The following CENPE variants were observed in gnomAD, a reference collection of about 807,000 sequenced individuals.
CENPE encodes centromere-associated protein E.
In CENPE, 145 loss-of-function variants were observed where a neutral mutation model predicts 336.1. That is an observed-to-expected ratio of 0.43 (90% confidence interval 0.38 to 0.50). The LOEUF (loss-of-function observed/expected upper bound fraction) is 0.50. Among genes scored for constraint, CENPE ranks in the 20% least tolerant of loss-of-function variants. The pLI is 0.00. For synonymous variants in CENPE, 1,013 were observed against 984.8 expected, an observed-to-expected ratio of 1.03 and a Z score of -0.54; for missense variants, 2,719 against 3,023.3, an observed-to-expected ratio of 0.90 and a Z score of 2.36.
rs760881866 is a variant in CENPE at position 103,159,176 on chromosome 4, T to C, written c.2435A>G (p.Tyr812Cys). 3 of 1,612,774 alleles carry C rather than the reference T, an allele frequency of 1.9e-6. No homozygotes were observed. The highest frequency in any genetic ancestry group is 1.1e-5 in the South Asian group (1 of 90,928). Residue 812 changes from tyrosine to cysteine, a missense_variant, in exon 22 of 49, where the codon TAT becomes TGT. Transcript: ENST00000265148. ...TTGGAATTCTTGATCAGTGCTTTTA[T>C]AATTCGACTGTGTAGTTGCTAGGTC... ...KDDLATTQSN[Y>C]KSTDQEFQNF...
chr4:103,144,045 T>G (rs1039225708), intron 33 of CENPE, among the ~76,000 whole-genome samples: 2 of 152,160 alleles, frequency 1.3e-5, no homozygotes, highest in African/African-American at 4.8e-5. Context: ...CACGCCATTC[T>G]CCTGTCTCAG....
At chr4:103,151,106 T>C (rs1420595035) in intron 26 of CENPE, 113 bp downstream of exon 26, 6 of 894,070 alleles carry the variant, frequency 6.7e-6, no homozygotes, top group South Asian at 4.7e-5. Flanking sequence ...CATTGAAATA[T>C]GTTCATTTGG....
intron 26 of CENPE, among the ~76,000 whole-genome samples, chr4:103,150,460 T>C (rs1753445655): frequency 6.6e-6 from 1 of 151,806 alleles, no homozygotes; most frequent in African/African-American, 2.4e-5. Context: ...CACAGCTAAT[T>C]TAGTCTCAGC....
chr4:103,121,126 T>G (rs1269456061), intron 43 of CENPE, among the ~76,000 whole-genome samples: 1 of 152,186 alleles, frequency 6.6e-6, no homozygotes, highest in Non-Finnish European at 1.5e-5. Flanking sequence ...AGACCCCCAG[T>G]TGACCCTGAA....
intron 42 of CENPE, among the ~76,000 whole-genome samples, chr4:103,126,787 C>A (rs940886964): frequency 6.6e-6 from 1 of 151,886 alleles, no homozygotes; most frequent in Admixed American, 6.6e-5. Context: ...TTAAGAGAAA[C>A]GAAGAATGCC....
At chr4:103,191,465 G>C (rs1757321075) in intron 8 of CENPE, among the ~76,000 whole-genome samples, 1 of 152,136 alleles carries the variant, frequency 6.6e-6, no homozygotes, top group African/African-American at 2.4e-5. Context: ...ATTCTATGCA[G>C]CCATAAAAAA....
intron 24 of CENPE, among the ~76,000 whole-genome samples, chr4:103,156,704 G>A (rs1183697504): frequency 6.6e-6 from 1 of 151,920 alleles, no homozygotes; most frequent in Non-Finnish European, 1.5e-5. Flanking sequence ...CAAAACACAG[G>A]CAACAAGAGT....
chr4:103,110,834 A>C lies in CENPE; in HGVS notation c.7718T>G (p.Leu2573Trp). The change falls in exon 47 of 49, where the codon TTG becomes TGG. Residue 2573 changes from leucine to tryptophan, a missense_variant. Coordinates refer to ENST00000265148, the MANE Select transcript of CENPE (RefSeq NM_001813.3). ...TCATGTAAGCAGATCTTACCTTAAC[A>C]ATTCATTCTTTTGTTTTATTAGCTG... ...NEQLIKQKNE[L>W]LSNNQHLSNE... 6.3e-7 allele frequency: 1 copy of C among 1,595,956 alleles called. No homozygotes were observed. The highest frequency in any genetic ancestry group is 8.5e-7 in the Non-Finnish European group (1 of 1,172,104).
intron 8 of CENPE, among the ~76,000 whole-genome samples, chr4:103,188,018 T>G (rs1035044958): frequency 1.3e-4 from 19 of 151,924 alleles, no homozygotes; most frequent in Non-Finnish European, 2.2e-4. Context: ...AAACAGACTT[T>G]AAACCAACAA....
At chr4:103,156,502 A>G (rs949047688) in intron 24 of CENPE, among the ~76,000 whole-genome samples, 1 of 152,186 alleles carries the variant, frequency 6.6e-6, no homozygotes, top group Admixed American at 6.5e-5. Context: ...TTTTCAAAAA[A>G]TGGTGTTGGG....
At chr4:103,172,846 G>A (rs1399425309) in intron 16 of CENPE, among the ~76,000 whole-genome samples, 2 of 151,650 alleles carry the variant, frequency 1.3e-5, no homozygotes, top group Admixed American at 6.6e-5. Context: ...ACTATAAAAC[G>A]TTAATGAAAG....
intron 42 of CENPE, among the ~76,000 whole-genome samples, chr4:103,132,372 T>TA (rs1472502934): frequency 6.6e-6 from 1 of 152,210 alleles, no homozygotes; most frequent in African/African-American, 2.4e-5. Flanking sequence ...ACTCATGTCT[T>TA]ACGATCTCTA....
At chr4:103,136,457 C>A in intron 39 of CENPE, 98 bp from the exon 40 acceptor site, 1 of 790,030 alleles carries the variant, frequency 1.3e-6, no homozygotes, top group Non-Finnish European at 1.9e-6. Context: ...TATGCTTTAA[C>A]ATTTTCTGTA....
At chr4:103,173,630 T>TTTGCAATATTTGCAGAAATAATTGC (rs1212496499) in intron 16 of CENPE, among the ~76,000 whole-genome samples, 1 of 151,440 alleles carries the variant, frequency 6.6e-6, no homozygotes, top group Non-Finnish European at 1.5e-5. Context: ...TTGCAAAATA[T>TTTGCAATATTTGCAGAAATAATTGC]ACATCTGACA....
At chr4:103,167,974 C>T (rs1560653693) in intron 16 of CENPE, among the ~76,000 whole-genome samples, 1 of 152,290 alleles carries the variant, frequency 6.6e-6, no homozygotes, top group East Asian at 1.9e-4. Flanking sequence ...GTAGTCCTAG[C>T]TTAGTACTGC....
rs1323433725 is a variant in CENPE, at chr4:103,175,964, T to C, written c.1475A>G (p.Asn492Ser). The C allele has an allele frequency of 2.5e-6, 4 of 1,580,286 alleles. No homozygotes were observed. ...CTGTAAAATACATTAAGTTACCTGATTTAGTAGCTTTGTTGCTGGATTCCA... is the reference window on the plus strand; with the variant it reads ...CTGTAAAATACATTAAGTTACCTGACTTAGTAGCTTTGTTGCTGGATTCCA... The part of the protein sequence containing the change: ...IEWNPATKLL[N>S]QENIESELNS... The change falls in exon 15 of 49, where the codon AAT becomes AGT. Residue 492 changes from asparagine (N) to serine (S), a missense_variant. This residue lies in a region of CENPE where 2,437 missense variants were observed against 2,513.3 expected (regional missense o/e 0.97). Transcript: ENST00000265148.
At chr4:103,106,497 C>A (rs1444677197) in intron 48 of CENPE, among the ~76,000 whole-genome samples, 181 bp from the exon 49 acceptor site, 3 of 152,132 alleles carry the variant, frequency 2.0e-5, no homozygotes, top group African/African-American at 4.8e-5. Context: ...GAAGTTTACT[C>A]CCCATTTTGT....
chr4:103,182,894 T>G lies in CENPE; in HGVS notation c.834-3A>C. The G allele has an allele frequency of 6.2e-7, 1 of 1,611,278 alleles. No homozygotes were observed. Among genetic ancestry groups the G allele is most frequent in the Admixed American group, 1.7e-5 (1 of 59,840 alleles). On this transcript the variant is annotated splice_region_variant and splice_polypyrimidine_tract_variant and intron_variant, in intron 10 of 48. Transcript: ENST00000265148. Reference sequence around the variant, plus strand: ...TATCTCGATAATTTATGAAACCACTTAGCAAGGAATAAGTTTACAGGAGAA... The same window carrying G: ...TATCTCGATAATTTATGAAACCACTGAGCAAGGAATAAGTTTACAGGAGAA...
At chr4:103,173,043 T>C (rs886181990) in intron 16 of CENPE, among the ~76,000 whole-genome samples, 2 of 151,920 alleles carry the variant, frequency 1.3e-5, no homozygotes, top group African/African-American at 2.4e-5. Flanking sequence ...AAAGACCCTG[T>C]ATAGCCAAAG....
Sources: gnomAD v4.1 joint callset for allele counts (sites outside exome capture counted in the v4.1 genomes callset) on GRCh38, gnomAD v4.1.1 for gene constraint, gnomAD v4.1.1 regional missense constraint, MANE v1.5 for transcripts, NCBI Gene and HGNC (gene_info 2026-07-23, HGNC 2026-07-21) for gene names.